The following CACNA2D3 variants were observed in gnomAD, a reference collection of about 807,000 sequenced individuals.
CACNA2D3 encodes voltage-dependent calcium channel subunit alpha-2/delta-3.
Under a neutral mutation model 160.6 loss-of-function variants are expected in CACNA2D3, and 60 were observed. The ratio of observed to expected loss-of-function variants is 0.37; its 90% confidence interval spans 0.30 to 0.46. The LOEUF (loss-of-function observed/expected upper bound fraction) is 0.46, where lower values mean the gene tolerates loss of function less well. Ranked by LOEUF, CACNA2D3 falls within the 20% of genes least tolerant of loss-of-function variation. The probability of loss-of-function intolerance (pLI) is 1.00; values close to 1 mark genes in which losing one functional copy is unlikely to be tolerated. For missense variants in CACNA2D3, 1,205 were observed against 1,365.0 expected (o/e 0.88, Z 1.85); for synonymous variants, 558 against 492.9 (o/e 1.13, Z -1.75).
At chr3:54,587,590 AAGAG>A (rs570713358) in intron 9 of CACNA2D3, among the ~76,000 whole-genome samples, 271 of 152,220 alleles carry the variant, frequency 1.8e-3, no homozygotes, top group Non-Finnish European at 2.9e-3. Context: ...AAAAAATAAA[AAGAG>A]AGAAGACAAA....
intron 2 of CACNA2D3, among the ~76,000 whole-genome samples, chr3:54,262,656 C>T (rs190183366): frequency 4.6e-5 from 7 of 152,146 alleles, no homozygotes; most frequent in African/African-American, 7.2e-5. Flanking sequence ...GAGCATCCGT[C>T]GTGTGATTAG....
intron 9 of CACNA2D3, among the ~76,000 whole-genome samples, chr3:54,585,332 T>G (rs1702741652): frequency 6.6e-6 from 1 of 152,206 alleles, no homozygotes. Flanking sequence ...ATTACATATT[T>G]GTACCATAAT....
chr3:54,410,369 A>G (rs542617083), intron 4 of CACNA2D3, among the ~76,000 whole-genome samples: 1 of 152,162 alleles, frequency 6.6e-6, no homozygotes, highest in South Asian at 2.1e-4. Flanking sequence ...AAAGAAAAAA[A>G]AAAGAGAGAG....
At chr3:54,430,748 T>G (rs1039938838) in intron 4 of CACNA2D3, among the ~76,000 whole-genome samples, 1 of 152,072 alleles carries the variant, frequency 6.6e-6, no homozygotes, top group African/African-American at 2.4e-5. Context: ...CATTGGAGGG[T>G]TCCTCTACAT....
intron 11 of CACNA2D3, among the ~76,000 whole-genome samples, chr3:54,716,173 C>T (rs1000422537): frequency 1.3e-5 from 2 of 152,050 alleles, no homozygotes; most frequent in African/African-American, 4.8e-5. Flanking sequence ...ATACTATGTT[C>T]CCATGTACGC....
chr3:54,708,861 C>T (rs1700901857), intron 11 of CACNA2D3, among the ~76,000 whole-genome samples: 1 of 152,058 alleles, frequency 6.6e-6, no homozygotes, highest in African/African-American at 2.4e-5. Flanking sequence ...AAGTTTTTCT[C>T]TTTTTCTGTA....
At chr3:54,175,691 C>T (rs1185259618) in intron 2 of CACNA2D3, among the ~76,000 whole-genome samples, 19 of 150,038 alleles carry the variant, frequency 1.3e-4, no homozygotes, top group Admixed American at 1.1e-3. Flanking sequence ...TTATGTTATA[C>T]AGGCGCCCTC....
At chr3:54,461,793 T>G (rs1008050057) in intron 4 of CACNA2D3, among the ~76,000 whole-genome samples, 1 of 152,002 alleles carries the variant, frequency 6.6e-6, no homozygotes, top group Admixed American at 6.6e-5. Flanking sequence ...CTGCTCTGAT[T>G]TTAGTTATTT....
intron 12 of CACNA2D3, among the ~76,000 whole-genome samples, chr3:54,759,687 C>G (rs1433912177): frequency 6.6e-6 from 1 of 152,116 alleles, no homozygotes; most frequent in Non-Finnish European, 1.5e-5. Flanking sequence ...TTTGTTGTTG[C>G]TCATTGCTCA....
intron 10 of CACNA2D3, among the ~76,000 whole-genome samples, chr3:54,637,392 C>A (rs62255538): frequency 0.17 from 25,939 of 151,456 alleles, 2,954 homozygotes; most frequent in Non-Finnish European, 0.25. Flanking sequence ...GGAAGAAGGG[C>A]GGCAATGAGA....
chr3:54,577,301 C>T (rs756068523), intron 8 of CACNA2D3, among the ~76,000 whole-genome samples: 1 of 152,130 alleles, frequency 6.6e-6, no homozygotes, highest in Non-Finnish European at 1.5e-5. Context: ...AAGCTGGCTG[C>T]ACCGTCTTGG....
chr3:55,021,744 A>T, intron 35 of CACNA2D3, among the ~76,000 whole-genome samples: 1 of 146,960 alleles, frequency 6.8e-6, no homozygotes, highest in African/African-American at 2.5e-5. Context: ...CTTCATTCTT[A>T]TTCATCTCTA....
intron 13 of CACNA2D3, among the ~76,000 whole-genome samples, chr3:54,813,972 C>G (rs1328256772): frequency 6.7e-6 from 1 of 148,430 alleles, no homozygotes; most frequent in Admixed American, 6.8e-5. Context: ...TCAGGTGATT[C>G]TCCCCACCTC....
chr3:54,610,186 C>T (rs1024228093), intron 9 of CACNA2D3, among the ~76,000 whole-genome samples: 1 of 152,132 alleles, frequency 6.6e-6, no homozygotes, highest in Admixed American at 6.5e-5. Flanking sequence ...TAATTAATTA[C>T]GTTAGTAATG....
At position 54,811,920 on chromosome 3, in the gene CACNA2D3, A is replaced by G. The variant is rs191681666; in HGVS notation, c.1381-4933A>G. ...GTTTCAACATCTGCAGAATTAGAGT[A>G]ATAATAGAGCTTACCTAATAAGATT... On this transcript the variant is annotated intron_variant, in intron 13 of 37. Transcript: ENST00000474759. 7.2e-5 allele frequency among the ~76,000 whole-genome samples: 11 copies of G among 152,346 alleles called. No individual in the cohort carries two copies. In the East Asian group the frequency reaches 2.1e-3, roughly 29 times the overall value.
chr3:55,063,198 G>A (rs1002458023), intron 35 of CACNA2D3, among the ~76,000 whole-genome samples: 6 of 152,144 alleles, frequency 3.9e-5, no homozygotes, highest in Non-Finnish European at 7.3e-5. Flanking sequence ...CCCCGAACCA[G>A]CAGCATCAGT....
At chr3:54,943,973 G>A (rs1701544919) in intron 27 of CACNA2D3, among the ~76,000 whole-genome samples, 1 of 152,134 alleles carries the variant, frequency 6.6e-6, no homozygotes, top group Admixed American at 6.5e-5. Context: ...GCTCTGAAAA[G>A]GTCTTCATTC....
chr3:54,247,329 CAAAT>C (rs1017561793), intron 2 of CACNA2D3, among the ~76,000 whole-genome samples: 1 of 151,756 alleles, frequency 6.6e-6, no homozygotes, highest in Non-Finnish European at 1.5e-5. Flanking sequence ...AACAAACAAA[CAAAT>C]AAATAAAACC....
At chr3:54,477,986 C>G (rs974629156) in intron 4 of CACNA2D3, among the ~76,000 whole-genome samples, 1 of 152,186 alleles carries the variant, frequency 6.6e-6, no homozygotes, top group African/African-American at 2.4e-5. Context: ...TCTTAATTCA[C>G]TATTAATATG....
Sources: allele counts gnomAD v4.1 joint callset (sites outside exome capture counted in the v4.1 genomes callset), GRCh38; gene constraint gnomAD v4.1.1; transcripts MANE v1.5; gene names NCBI Gene and HGNC (gene_info 2026-07-23, HGNC 2026-07-21).